Variants in INPP4B observed in about 807,000 individuals in gnomAD.
INPP4B encodes the protein inositol polyphosphate-4-phosphatase type II B, also known as inositol polyphosphate 4-phosphatase type II.
In INPP4B, 55 loss-of-function variants were observed where a neutral mutation model predicts 122.5. That is an observed-to-expected ratio of 0.45 (90% CI 0.36 to 0.56). The LOEUF (loss-of-function observed/expected upper bound fraction) is 0.56, where lower values mean the gene tolerates loss of function less well. Ranked by LOEUF, INPP4B falls within the 20% of genes least tolerant of loss-of-function variation. The pLI is 0.00. For missense variants in INPP4B, 1,000 were observed against 1,097.7 expected, an observed-to-expected ratio of 0.91 and a Z score of 1.26; for synonymous variants, 403 against 388.7, an observed-to-expected ratio of 1.04 and a Z score of -0.43.
At chr4:142,563,069 T>G (rs1730812992) in intron 2 of INPP4B, among the ~76,000 whole-genome samples, 1 of 152,304 alleles carries the variant, frequency 6.6e-6, no homozygotes, top group East Asian at 1.9e-4. Context: ...TGTTTAGCAG[T>G]GAAGAGTACC....
chr4:142,590,518 G>A (rs1737197748), intron 2 of INPP4B, among the ~76,000 whole-genome samples: 1 of 152,098 alleles, frequency 6.6e-6, no homozygotes, highest in African/African-American at 2.4e-5. Context: ...ACATGTGTAT[G>A]CCGAAATTGA....
chr4:142,563,787 G>A (rs575704707), intron 2 of INPP4B, among the ~76,000 whole-genome samples: 1 of 151,978 alleles, frequency 6.6e-6, no homozygotes, highest in Non-Finnish European at 1.5e-5. Context: ...CTGAGAACCC[G>A]CCACCTCCAT....
intron 14 of INPP4B, among the ~76,000 whole-genome samples, chr4:142,204,178 T>C (rs1841780232): frequency 6.6e-6 from 1 of 152,140 alleles, no homozygotes; most frequent in Non-Finnish European, 1.5e-5. Flanking sequence ...ACCTGTATTA[T>C]AACATGTAGT....
chr4:142,797,445 C>T (rs900295817), intron 1 of INPP4B, among the ~76,000 whole-genome samples: 5 of 151,714 alleles, frequency 3.3e-5, no homozygotes, highest in Admixed American at 2.0e-4. Context: ...TCCTGGAACA[C>T]AGAGCAAAAA....
intron 2 of INPP4B, among the ~76,000 whole-genome samples, chr4:142,613,068 C>G (rs1257075059): frequency 6.6e-6 from 1 of 152,076 alleles, no homozygotes; most frequent in Non-Finnish European, 1.5e-5. Context: ...AATGTAATGG[C>G]TAGAGATCCG....
At chr4:142,029,843 A>C in intron 25 of INPP4B, 1 of 1,064,520 alleles carries the variant, frequency 9.4e-7, no homozygotes, top group Non-Finnish European at 1.1e-6. Context: ...TCAGAACTTC[A>C]AGCTTTCAGG....
chr4:142,195,964 T>C (rs1049995853), intron 14 of INPP4B, among the ~76,000 whole-genome samples: 1 of 152,180 alleles, frequency 6.6e-6, no homozygotes, highest in Admixed American at 6.5e-5. Flanking sequence ...AGCTACTCTC[T>C]GGGAACAGAA....
intron 2 of INPP4B, among the ~76,000 whole-genome samples, chr4:142,516,947 G>T (rs761864881): frequency 6.6e-6 from 1 of 151,762 alleles, no homozygotes; most frequent in Non-Finnish European, 1.5e-5. Context: ...TTGCACCACG[G>T]TCTATTATTT....
chr4:142,819,023 T>C (rs1369187308), intron 1 of INPP4B, among the ~76,000 whole-genome samples: 3 of 152,134 alleles, frequency 2.0e-5, no homozygotes, highest in Non-Finnish European at 4.4e-5. Context: ...AGACGAATCT[T>C]TGTTGAGAGA....
At chr4:142,625,120 A>T (rs2150392237) in intron 2 of INPP4B, among the ~76,000 whole-genome samples, 1 of 150,746 alleles carries the variant, frequency 6.6e-6, no homozygotes, top group South Asian at 2.1e-4. Context: ...TAGTGTTGGA[A>T]GTTCTGGCCA....
intron 17 of INPP4B, among the ~76,000 whole-genome samples, chr4:142,151,348 A>T (rs912840142): frequency 6.6e-6 from 1 of 152,188 alleles, no homozygotes; most frequent in Admixed American, 6.5e-5. Flanking sequence ...ATAGCCAGAC[A>T]TGTAAACATC....
intron 2 of INPP4B, among the ~76,000 whole-genome samples, chr4:142,602,354 C>T (rs1033611675): frequency 3.9e-5 from 6 of 152,064 alleles, no homozygotes; most frequent in African/African-American, 7.2e-5. Flanking sequence ...AAAAACATTC[C>T]ATGCTCATGG....
intron 7 of INPP4B, among the ~76,000 whole-genome samples, chr4:142,351,297 T>C (rs1781855121): frequency 6.6e-6 from 1 of 152,010 alleles, no homozygotes; most frequent in African/African-American, 2.4e-5. Flanking sequence ...TCCCTACCTC[T>C]AGAGCTGGAA....
chr4:142,751,541 A>C (rs1769719580), intron 1 of INPP4B, among the ~76,000 whole-genome samples: 1 of 152,116 alleles, frequency 6.6e-6, no homozygotes, highest in Non-Finnish European at 1.5e-5. Context: ...GAAAATCTTC[A>C]AGAAGCAGTA....
intron 17 of INPP4B, among the ~76,000 whole-genome samples, chr4:142,154,982 G>C (rs1220712533): frequency 6.6e-6 from 1 of 151,022 alleles, no homozygotes; most frequent in African/African-American, 2.4e-5. Flanking sequence ...TAAGAATAAG[G>C]CTTTATTATA....
At chr4:142,063,379 C>A (rs1761978072) in intron 25 of INPP4B, among the ~76,000 whole-genome samples, 1 of 152,114 alleles carries the variant, frequency 6.6e-6, no homozygotes, top group Non-Finnish European at 1.5e-5. Context: ...CTCGTCAGAC[C>A]CTAAATGAAT....
intron 2 of INPP4B, among the ~76,000 whole-genome samples, chr4:142,609,321 T>C (rs893528927): frequency 2.0e-5 from 3 of 152,096 alleles, no homozygotes; most frequent in African/African-American, 7.2e-5. Context: ...GCTGAGAGGC[T>C]CATTTAATTC....
chr4:142,225,526 ATATATG>A lies in INPP4B; in HGVS notation c.836+12332_836+12337del, dbSNP rs1051941628. Among the ~76,000 whole-genome samples the A allele has an allele frequency of 4.8e-4, 72 of 148,936 alleles. 1 individual carries two copies. The highest frequency in any genetic ancestry group is 7.1e-3 in the Middle Eastern group (2 of 280). On this transcript the variant is annotated intron_variant, in intron 12 of 25. Transcript: ENST00000262992. ...CCCTAATATACACACAAATATATAT[ATATATG>A]TATAAGTATATATATAAATATGTAT... is the stretch of plus-strand genomic sequence containing the variant.
chr4:142,285,460 G>A (rs1338184208), intron 9 of INPP4B, among the ~76,000 whole-genome samples: 1 of 152,000 alleles, frequency 6.6e-6, no homozygotes, highest in Non-Finnish European at 1.5e-5. Flanking sequence ...CATGAAGGGA[G>A]GTGACATCTC....
Sources: gnomAD v4.1 joint callset for allele counts (sites outside exome capture counted in the v4.1 genomes callset) on GRCh38, gnomAD v4.1.1 for gene constraint, MANE v1.5 for transcripts, NCBI Gene and HGNC (gene_info 2026-07-23, HGNC 2026-07-21) for gene names.